SYT16: variants seen among roughly 807,000 people sequenced by gnomAD.
SYT16 encodes synaptotagmin-16.
A neutral mutation model predicts 61.4 loss-of-function variants in SYT16; 42 were observed. The ratio of observed to expected loss-of-function variants is 0.68; its 90% CI spans 0.53 to 0.89. The LOEUF (loss-of-function observed/expected upper bound fraction) is 0.89, where lower values mean the gene tolerates loss of function less well. Ranked by LOEUF, SYT16 falls within the 40% of genes least tolerant of loss-of-function variation. The pLI is 0.00. For synonymous variants in SYT16, 314 were observed against 302.3 expected, an observed-to-expected ratio of 1.04 and a Z score of -0.40; for missense variants, 804 against 807.3, an observed-to-expected ratio of 1.00 and a Z score of 0.05.
At chr14:61,969,159 G>A (rs1415069482) in intron 1 of SYT16, among the ~76,000 whole-genome samples, 1 of 152,168 alleles carries the variant, frequency 6.6e-6, no homozygotes, top group East Asian at 1.9e-4. Context: ...TATTAAACCT[G>A]CCCACTGATT....
intron 3 of SYT16, among the ~76,000 whole-genome samples, chr14:62,037,068 A>G (rs1481210682): frequency 1.3e-5 from 2 of 152,188 alleles, no homozygotes; most frequent in African/African-American, 4.8e-5. Flanking sequence ...AAAAGCCTCC[A>G]CTGTATGCAG....
chr14:61,818,851 G>T (rs1326459648), intron 1 of SYT16, among the ~76,000 whole-genome samples: 1 of 152,126 alleles, frequency 6.6e-6, no homozygotes, highest in Admixed American at 6.5e-5. Flanking sequence ...GAACCTGCTT[G>T]TTCTTGTTTT....
At chr14:61,956,481 G>A (rs2050879332) in intron 1 of SYT16, among the ~76,000 whole-genome samples, 1 of 151,930 alleles carries the variant, frequency 6.6e-6, no homozygotes, top group Non-Finnish European at 1.5e-5. Context: ...ATTTTTGTGT[G>A]TGGTATGAGA....
At chr14:61,881,952 G>A (rs936002752) in intron 1 of SYT16, among the ~76,000 whole-genome samples, 7 of 152,052 alleles carry the variant, frequency 4.6e-5, no homozygotes, top group African/African-American at 1.2e-4. Context: ...CCATGCTACT[G>A]CCTGCATACT....
intron 3 of SYT16, among the ~76,000 whole-genome samples, chr14:62,048,969 G>A (rs10138864): frequency 0.37 from 56,373 of 151,930 alleles, 14,519 homozygotes; most frequent in African/African-American, 0.74. Context: ...TGGGGTGGAG[G>A]GTTCTGTAGA....
At chr14:62,013,873 A>G (rs1031413540) in intron 3 of SYT16, among the ~76,000 whole-genome samples, 3 of 152,106 alleles carry the variant, frequency 2.0e-5, no homozygotes. Flanking sequence ...CTGAGGCAAA[A>G]GAATTGCTTG....
intron 4 of SYT16, 34 bp downstream of exon 4, chr14:62,069,849 G>T: frequency 6.2e-7 from 1 of 1,603,654 alleles, no homozygotes; most frequent in Non-Finnish European, 8.5e-7. Flanking sequence ...CTTTAGACCA[G>T]GGATGGCCAA....
intron 1 of SYT16, among the ~76,000 whole-genome samples, chr14:61,914,459 A>C (rs564718061): frequency 6.6e-6 from 1 of 152,130 alleles, no homozygotes; most frequent in Non-Finnish European, 1.5e-5. Flanking sequence ...AGACTCATTT[A>C]TCCAATCAGC....
intron 3 of SYT16, among the ~76,000 whole-genome samples, chr14:62,024,528 G>T (rs1472221603): frequency 6.6e-6 from 1 of 152,004 alleles, no homozygotes; most frequent in Non-Finnish European, 1.5e-5. Context: ...TGATCGGAAA[G>T]TGCATAGTTC....
chr14:61,862,158 G>T (rs1255066124), intron 1 of SYT16, among the ~76,000 whole-genome samples: 3 of 152,168 alleles, frequency 2.0e-5, no homozygotes, highest in Admixed American at 6.5e-5. Flanking sequence ...AGTTTTAAGT[G>T]TACCATCCTA....
intron 1 of SYT16, among the ~76,000 whole-genome samples, chr14:61,829,882 C>T (rs2045885502): frequency 6.6e-6 from 1 of 152,136 alleles, no homozygotes; most frequent in African/African-American, 2.4e-5. Flanking sequence ...TCTCGATCTC[C>T]TGACCTCGTG....
intron 1 of SYT16, among the ~76,000 whole-genome samples, chr14:61,929,218 A>G (rs1478430637): frequency 1.3e-5 from 2 of 152,164 alleles, no homozygotes; most frequent in African/African-American, 4.8e-5. Flanking sequence ...CTTCTGTGAA[A>G]TTTGTTGGTC....
chr14:61,921,258 G>A (rs2049324027), intron 1 of SYT16, among the ~76,000 whole-genome samples: 1 of 152,186 alleles, frequency 6.6e-6, no homozygotes, highest in African/African-American at 2.4e-5. Context: ...TGTTCCTGCA[G>A]CAGTGGGTTC....
intron 3 of SYT16, among the ~76,000 whole-genome samples, chr14:62,032,538 A>C (rs2054347033): frequency 6.6e-6 from 1 of 152,054 alleles, no homozygotes; most frequent in Admixed American, 6.6e-5. Flanking sequence ...GAATTTATGA[A>C]TATATTAGTT....
chr14:61,854,843 CT>C (rs111451924), intron 1 of SYT16, among the ~76,000 whole-genome samples: 22,860 of 147,284 alleles, frequency 0.16, 1,839 homozygotes, highest in African/African-American at 0.22. Context: ...GTTGCTTATT[CT>C]TTTTTTTTTT....
intron 7 of SYT16, among the ~76,000 whole-genome samples, chr14:62,096,087 G>A (rs1414647762): frequency 6.6e-6 from 1 of 151,970 alleles, no homozygotes; most frequent in East Asian, 1.9e-4. Context: ...CTCAATTACA[G>A]CTGTATTAAA....
chr14:61,962,184 G>GTGATGAAGTAATCTATACACC (rs1406285449), intron 1 of SYT16, among the ~76,000 whole-genome samples: 2 of 152,048 alleles, frequency 1.3e-5, no homozygotes, highest in Non-Finnish European at 2.9e-5. Flanking sequence ...TATTACCTGG[G>GTGATGAAGTAATCTATACACC]TGATGAAGTA....
chr14:61,869,040 CCTTTT>C (rs1023099221), intron 1 of SYT16, among the ~76,000 whole-genome samples: 1 of 151,938 alleles, frequency 6.6e-6, no homozygotes, highest in Non-Finnish European at 1.5e-5. Context: ...ATGAAATGAT[CCTTTT>C]CTTTGGTAAT....
At chr14:61,870,547 C>A (rs2047300086) in intron 1 of SYT16, among the ~76,000 whole-genome samples, 1 of 151,898 alleles carries the variant, frequency 6.6e-6, no homozygotes, top group Non-Finnish European at 1.5e-5. Flanking sequence ...CCAATTGTTT[C>A]TTCAAATATT....
Sources: gnomAD v4.1 joint callset for allele counts (sites outside exome capture counted in the v4.1 genomes callset) on GRCh38, gnomAD v4.1.1 for gene constraint, MANE v1.5 for transcripts, NCBI Gene and HGNC (gene_info 2026-07-23, HGNC 2026-07-21) for gene names.